Variants in TGDS observed in about 807,000 individuals in gnomAD.
The protein encoded by TGDS is TDP-glucose 4,6-dehydratase, also known as UDP-D-glucose 4,6-dehydratase.
TGDS carries 47 observed loss-of-function variants against 52.3 expected under a neutral mutation model. The observed-to-expected ratio is 0.90, with a 90% CI of 0.71 to 1.15. The LOEUF is 1.15. TGDS is among the 50% of genes most tolerant of loss of function. The pLI is 0.00. For synonymous variants in TGDS, 115 were observed against 136.9 expected, an observed-to-expected ratio of 0.84 and a Z score of 1.12; for missense variants, 375 against 418.4, an observed-to-expected ratio of 0.90 and a Z score of 0.90.
At chr13:94,589,774 G>A (rs1258335355) in intron 4 of TGDS, among the ~76,000 whole-genome samples, 1 of 152,164 alleles carries the variant, frequency 6.6e-6, no homozygotes, top group African/African-American at 2.4e-5. Flanking sequence ...TGGAAAGACT[G>A]ACAAAACTAA....
At position 94,581,621 on chromosome 13, in the gene TGDS, G is replaced by C. The variant is rs114369594; in HGVS notation, c.457-432C>G. Among the ~76,000 whole-genome samples, 399 of 152,308 alleles carry C rather than the reference G, an allele frequency of 2.6e-3. 2 individuals are homozygous for C. Among genetic ancestry groups the C allele is most frequent in the African/African-American group, 9.1e-3 (379 of 41,560 alleles). ...GATGTAGGGTGGCAGGGTGCATGAA[G>C]AAAGAAGTTTACCTGATAAAAATTG... On this transcript the variant is annotated intron_variant, in intron 5 of 11. Transcript: ENST00000261296.
chr13:94,592,611 G>T (rs1889243337), intron 2 of TGDS, among the ~76,000 whole-genome samples: 1 of 151,846 alleles, frequency 6.6e-6, no homozygotes, highest in African/African-American at 2.4e-5. Context: ...CGCCACCATG[G>T]ACCGGCTAAT....
In TGDS at chr13:94,578,124, T is replaced by C. The variant is rs1396930499; in HGVS notation, c.706A>G (p.Thr236Ala). Residue 236 changes from threonine (T) to alanine (A), a missense_variant, in exon 9 of 12, where the codon ACT becomes GCT. Coordinates refer to ENST00000261296, the MANE Select transcript of TGDS (RefSeq NM_014305.4). Reference sequence around the variant, plus strand: ...GTGAGAAATGCTTCTACAACATCAGTAGCATAAAGGAAGTTTCTTGTTTGA... The same window carrying C: ...GTGAGAAATGCTTCTACAACATCAGCAGCATAAAGGAAGTTTCTTGTTTGA... ...GLQTRNFLYATDVVEAFLTVL... is the reference protein window; with the variant it reads ...GLQTRNFLYAADVVEAFLTVL... 6.2e-7 allele frequency: 1 copy of C among 1,613,834 alleles called. No homozygotes were observed. The highest frequency in any genetic ancestry group is 2.2e-5 in the East Asian group (1 of 44,786).
intron 4 of TGDS, among the ~76,000 whole-genome samples, chr13:94,588,852 A>G (rs1458194309): frequency 1.3e-5 from 2 of 152,224 alleles, no homozygotes; most frequent in Non-Finnish European, 2.9e-5. Flanking sequence ...GAAGAGAGAC[A>G]GAGATACAAA....
chr13:94,593,512 A>T (rs1202227154), intron 2 of TGDS, among the ~76,000 whole-genome samples: 1 of 152,214 alleles, frequency 6.6e-6, no homozygotes, highest in African/African-American at 2.4e-5. Flanking sequence ...AAAAAATCCA[A>T]TTAAGGCTTA....
At chr13:94,580,502 C>A (rs374997256) in intron 6 of TGDS, among the ~76,000 whole-genome samples, 14 of 152,268 alleles carry the variant, frequency 9.2e-5, no homozygotes, top group African/African-American at 2.9e-4. Flanking sequence ...GGCTCCCATA[C>A]TGACACTGTC....
At chr13:94,579,736 C>CT (rs1888720847) in intron 7 of TGDS, 158 bp downstream of exon 7, 2 of 483,410 alleles carry the variant, frequency 4.1e-6, no homozygotes, top group Non-Finnish European at 7.3e-6. Context: ...TTTTCAAACT[C>CT]TAAGTCTGAA....
intron 4 of TGDS, among the ~76,000 whole-genome samples, chr13:94,588,292 G>A (rs1186038587): frequency 7.1e-4 from 108 of 151,166 alleles, no homozygotes; most frequent in Non-Finnish European, 1.1e-3. Flanking sequence ...GCGTGGTGGC[G>A]CATGCCTGTA....
chr13:94,578,818 T>C, intron 7 of TGDS, 45 bp from the exon 8 acceptor site: 1 of 1,252,352 alleles, frequency 8.0e-7, no homozygotes, highest in Non-Finnish European at 1.2e-6. Flanking sequence ...TATTTACTCA[T>C]TAGTATGAAT....
intron 5 of TGDS, among the ~76,000 whole-genome samples, chr13:94,581,724 G>A (rs751733937): frequency 1.3e-5 from 2 of 152,140 alleles, no homozygotes; most frequent in Admixed American, 1.3e-4. Flanking sequence ...TTTTCTCACT[G>A]TAAGTCTTTT....
chr13:94,595,843 A>G (rs1889355527), intron 1 of TGDS: 4 of 617,980 alleles, frequency 6.5e-6, no homozygotes, highest in Non-Finnish European at 1.2e-5. Flanking sequence ...GCTTTGGAAG[A>G]GGCGTTTTAA....
intron 9 of TGDS, 72 bp downstream of exon 9, chr13:94,577,933 C>T: frequency 6.9e-7 from 1 of 1,447,796 alleles, no homozygotes; most frequent in Non-Finnish European, 9.4e-7. Context: ...AAGCTGTATG[C>T]TTCTGATTTT....
At chr13:94,577,082 C>T (rs1479986622) in intron 10 of TGDS, among the ~76,000 whole-genome samples, 2 of 147,872 alleles carry the variant, frequency 1.4e-5, no homozygotes, top group African/African-American at 2.5e-5. Context: ...AGCCTGGCAA[C>T]AGAGCGAGAT....
intron 5 of TGDS, among the ~76,000 whole-genome samples, chr13:94,582,348 A>G (rs1888827662): frequency 6.6e-6 from 1 of 152,232 alleles, no homozygotes; most frequent in African/African-American, 2.4e-5. Context: ...GACATTCACC[A>G]TATTTGTAAG....
intron 4 of TGDS, among the ~76,000 whole-genome samples, chr13:94,585,172 C>T (rs962137088): frequency 1.3e-5 from 2 of 151,952 alleles, no homozygotes; most frequent in Non-Finnish European, 2.9e-5. Flanking sequence ...GTCTCAGCCT[C>T]CCGAGTAGCT....
At chr13:94,579,829 G>T (rs1342797344) in intron 7 of TGDS, 65 bp downstream of exon 7, 10 of 893,384 alleles carry the variant, frequency 1.1e-5, no homozygotes, top group African/African-American at 1.7e-5. Flanking sequence ...CTGAAAAGAG[G>T]TTATTTCAAA....
rs779935345 is a variant in TGDS, at chr13:94,578,012, A to G, written c.818T>C (p.Ile273Thr). The change falls in exon 9 of 12, where the codon ATA (isoleucine) becomes ACA (threonine). Residue 273 changes from isoleucine (I) to threonine (T), a missense_variant. Ile to Thr is a moderately conservative substitution (Grantham distance 89). Coordinates refer to ENST00000261296, the MANE Select transcript of TGDS (RefSeq NM_014305.4). ...MSVVQLAKEL[I>T]QLIKETNSES... is the part of the protein sequence containing the mutation. ...TTTAAAACAGATACATACCAGTTGT[A>G]TTAGTTCTTTGGCAAGCTGGACAAC... is the stretch of plus-strand genomic sequence containing the variant. The G allele has an allele frequency of 1.9e-6, 3 of 1,613,542 alleles. No homozygotes were observed. Among genetic ancestry groups the G allele is most frequent in the Non-Finnish European group, 8.5e-7 (1 of 1,179,778 alleles).
At chr13:94,579,760 G>A (rs1480537709) in intron 7 of TGDS, 134 bp downstream of exon 7, 3 of 498,268 alleles carry the variant, frequency 6.0e-6, no homozygotes, top group Non-Finnish European at 1.0e-5. Flanking sequence ...ATCTGCAAGT[G>A]GTGTTATACA....
At chr13:94,583,417 T>C (rs1488842394) in intron 4 of TGDS, among the ~76,000 whole-genome samples, 181 bp from the exon 5 acceptor site, 1 of 152,200 alleles carries the variant, frequency 6.6e-6, no homozygotes, top group Admixed American at 6.5e-5. Flanking sequence ...CTAAATTACA[T>C]AGTACATGTA....
Sources: gnomAD v4.1 joint callset for allele counts (sites outside exome capture counted in the v4.1 genomes callset) on GRCh38, gnomAD v4.1.1 for gene constraint, MANE v1.5 for transcripts, NCBI Gene and HGNC (gene_info 2026-07-23, HGNC 2026-07-21) for gene names.